WNT2B: variants seen among roughly 807,000 people sequenced by gnomAD.
WNT2B encodes the protein protein Wnt-2b.
WNT2B carries 19 observed loss-of-function variants against 40.5 expected under a neutral mutation model. That is an observed-to-expected ratio of 0.47 (90% CI 0.33 to 0.69). WNT2B has a LOEUF of 0.69. WNT2B is among the 30% of genes least tolerant of loss of function. The pLI, the probability that WNT2B is intolerant of heterozygous loss-of-function variation, is 0.02. For synonymous variants in WNT2B, 220 were observed against 211.9 expected (o/e 1.04, Z -0.33); for missense variants, 467 against 556.4 (o/e 0.84, Z 1.62).
intron 1 of WNT2B, among the ~76,000 whole-genome samples, chr1:112,502,570 G>C (rs1052307769): frequency 1.3e-5 from 2 of 152,200 alleles, no homozygotes; most frequent in Non-Finnish European, 2.9e-5. Flanking sequence ...CTCGGACTTG[G>C]GGGTGTGAAG....
chr1:112,524,206 C>T lies in WNT2B; in HGVS notation c.*3697C>T, dbSNP rs1056005254. The stretch of plus-strand genomic sequence containing the variant: ...TCTTTGCCAAATTCTCAGACCCACT[C>T]AGGACACGAGTCTCTACATGGCTTA... On this transcript the variant is annotated 3_prime_UTR_variant, in exon 5 of 5. Transcript: ENST00000369684. 5.2e-5 allele frequency: 8 copies of T among 152,538 alleles called. No individual in the cohort carries two copies. Among genetic ancestry groups the T allele is most frequent in the African/African-American group, 1.7e-4 (7 of 41,406 alleles). The allele number at this position is 152,538 out of a possible 1,614,324, so 9.4% of individuals were successfully genotyped here. A position where few individuals can be genotyped will look rare whatever the true frequency, so the allele number is the denominator to read the frequency against.
At position 112,517,154 on chromosome 1, in the gene WNT2B, T is replaced by C; in HGVS notation, c.715T>C (p.Cys239Arg). Residue 239 changes from cysteine to arginine, a missense_variant, in exon 4 of 5, where the codon TGC becomes CGC. Physicochemically the swap from Cys to Arg is radical, Grantham distance 180 (BLOSUM62 -3). Transcript: ENST00000369684. ...VRRFLKLECK[C>R]HGVSGSCTLR... is the part of the protein sequence containing the mutation. Reference sequence around the variant, plus strand: ...GCGGTTTCTGAAGCTGGAGTGTAAGTGCCATGGCGTGAGTGGTTCCTGTAC... The same window carrying C: ...GCGGTTTCTGAAGCTGGAGTGTAAGCGCCATGGCGTGAGTGGTTCCTGTAC... 6.2e-7 allele frequency: 1 copy of C among 1,613,390 alleles called. No homozygotes were observed. The highest frequency in any genetic ancestry group is 8.5e-7 in the Non-Finnish European group (1 of 1,179,394).
At chr1:112,502,191 G>A (rs1308299250) in intron 1 of WNT2B, among the ~76,000 whole-genome samples, 1 of 152,196 alleles carries the variant, frequency 6.6e-6, no homozygotes, top group Non-Finnish European at 1.5e-5. Context: ...GCGATCCTGC[G>A]GCCGTGGCGG....
chr1:112,467,423 C>G, exon 1 of WNT2B: 1 of 673,474 alleles, frequency 1.5e-6, no homozygotes, highest in Non-Finnish European at 2.7e-6. Flanking sequence ...CTTCCAAACC[C>G]TGAAGAGCCC....
chr1:112,517,499 G>C (rs1652618154), intron 4 of WNT2B, 114 bp downstream of exon 4: 3 of 1,342,468 alleles, frequency 2.2e-6, no homozygotes, highest in African/African-American at 2.9e-5. Context: ...TGTGGGAGGA[G>C]GCAGTTTCCT....
chr1:112,506,366 G>A (rs2101078423), upstream of WNT2B, among the ~76,000 whole-genome samples: 1 of 152,332 alleles, frequency 6.6e-6, no homozygotes, highest in Admixed American at 6.5e-5. Flanking sequence ...TGACTGTAAA[G>A]ACAGCTCAGG....
At chr1:112,505,375 T>G (rs970911426), upstream of WNT2B, among the ~76,000 whole-genome samples, 4 of 152,226 alleles carry the variant, frequency 2.6e-5, no homozygotes, top group African/African-American at 9.6e-5. Context: ...CTTTTGCTCC[T>G]TGTTATTTAG....
chr1:112,529,077 T>C lies in WNT2B; in HGVS notation c.*8568T>C, dbSNP rs928353259. On this transcript the variant is annotated 3_prime_UTR_variant, in exon 5 of 5. Coordinates refer to ENST00000369684, the MANE Select transcript of WNT2B (RefSeq NM_024494.3). ...AGGATAAAAACCATAAGGGCAATCTTATTCTTCCAAAGCAGTTCCCTGGTG... is the reference window on the plus strand; with the variant it reads ...AGGATAAAAACCATAAGGGCAATCTCATTCTTCCAAAGCAGTTCCCTGGTG... 6 of 152,216 alleles carry C rather than the reference T, an allele frequency of 3.9e-5. No homozygotes were observed. Among genetic ancestry groups the C allele is most frequent in the African/African-American group, 1.2e-4 (5 of 41,444 alleles). 9.4% of individuals were successfully genotyped at this position (152,216 alleles called of 1,614,324 possible).
intron 1 of WNT2B, among the ~76,000 whole-genome samples, chr1:112,510,355 A>G (rs1048727490): frequency 3.3e-5 from 5 of 152,224 alleles, no homozygotes; most frequent in African/African-American, 1.2e-4. Flanking sequence ...AGGGCAAAGC[A>G]GGGAGAGTTG....
At position 112,529,852 on chromosome 1, in the gene WNT2B, T is replaced by C. The variant is rs1654090157; in HGVS notation, c.*9343T>C. On this transcript the variant is annotated 3_prime_UTR_variant, in exon 5 of 5. Transcript: ENST00000369684. The stretch of plus-strand genomic sequence containing the variant: ...GAGCTCAGTGGAACTGGGGTTTACT[T>C]ACATCTTTTTTCTGGGAACCTAATG... The C allele has an allele frequency of 6.6e-6, 1 of 152,096 alleles. No homozygotes were observed. Among genetic ancestry groups the C allele is most frequent in the African/African-American group, 2.4e-5 (1 of 41,410 alleles). The allele number at this position is 152,096 out of a possible 1,614,324, so 9.4% of individuals were successfully genotyped here. A position where few individuals can be genotyped will look rare whatever the true frequency, so the allele number is the denominator to read the frequency against.
chr1:112,504,136 C>A (rs1181874077), upstream of WNT2B, among the ~76,000 whole-genome samples: 53 of 152,188 alleles, frequency 3.5e-4, no homozygotes, highest in Admixed American at 3.4e-3. Context: ...CAGCAGCACA[C>A]CCACTGGCCT....
At chr1:112,516,971 G>T in intron 3 of WNT2B, 150 bp from the exon 4 acceptor site, 1 of 994,952 alleles carries the variant, frequency 1.0e-6, no homozygotes, top group Non-Finnish European at 1.5e-6. Context: ...AGAATGGGTG[G>T]GATCTGATGT....
intron 3 of WNT2B, 30 bp from the exon 4 acceptor site, chr1:112,517,091 T>G: frequency 2.5e-6 from 4 of 1,598,538 alleles, no homozygotes; most frequent in Non-Finnish European, 3.4e-6. Context: ...ACCAGCTACT[T>G]CTCCCTTAAC....
intron 1 of WNT2B, among the ~76,000 whole-genome samples, chr1:112,480,956 G>A (rs1651206444): frequency 6.6e-6 from 1 of 152,090 alleles, no homozygotes; most frequent in South Asian, 2.1e-4. Context: ...ATCACCTGAG[G>A]TCGGGAGATC....
rs771926706 is a variant in WNT2B, at chr1:112,516,368, A to T, written c.632A>T (p.Lys211Met). ...GTGGATGCCAAGGAGAAGAGGCTTAAGGATGCCCGGGCCCTCATGAACTTA... is the reference window on the plus strand; with the variant it reads ...GTGGATGCCAAGGAGAAGAGGCTTATGGATGCCCGGGCCCTCATGAACTTA... ...AFVDAKEKRL[K>M]DARALMNLHN... Residue 211 changes from lysine to methionine, a missense_variant, in exon 3 of 5, where the codon AAG becomes ATG. By Grantham distance (95) the Lys-to-Met change is moderately conservative. This residue lies in a region of WNT2B where 330 missense variants were observed against 438.6 expected (regional missense o/e 0.75). Transcript: ENST00000369684. The T allele has an allele frequency of 6.2e-7, 1 of 1,613,996 alleles. No homozygotes were observed. Among genetic ancestry groups the T allele is most frequent in the East Asian group, 2.2e-5 (1 of 44,850 alleles).
At chr1:112,504,745 G>C (rs1652062378), upstream of WNT2B, among the ~76,000 whole-genome samples, 1 of 152,134 alleles carries the variant, frequency 6.6e-6, no homozygotes, top group South Asian at 2.1e-4. Context: ...CAAGCAGCAG[G>C]CTCAGGAATT....
intron 1 of WNT2B, among the ~76,000 whole-genome samples, chr1:112,502,011 G>A (rs1651969840): frequency 6.6e-6 from 1 of 152,236 alleles, no homozygotes; most frequent in South Asian, 2.1e-4. Context: ...CGGTTCACAG[G>A]GCGAGTCGCC....
chr1:112,496,907 A>G (rs1273730156), intron 1 of WNT2B, among the ~76,000 whole-genome samples: 2 of 152,200 alleles, frequency 1.3e-5, no homozygotes, highest in African/African-American at 2.4e-5. Flanking sequence ...CCCAGGACTT[A>G]CATTTCTAGT....
intron 1 of WNT2B, among the ~76,000 whole-genome samples, chr1:112,475,718 G>C (rs534294289): frequency 6.6e-6 from 1 of 151,988 alleles, no homozygotes; most frequent in South Asian, 2.1e-4. Flanking sequence ...AGGCAACAAA[G>C]AAGATAAAAA....
Sources: gnomAD v4.1 joint callset for allele counts (sites outside exome capture counted in the v4.1 genomes callset) on GRCh38, gnomAD v4.1.1 for gene constraint, gnomAD v4.1.1 regional missense constraint, MANE v1.5 for transcripts, NCBI Gene and HGNC (gene_info 2026-07-23, HGNC 2026-07-21) for gene names.